RPTOR: variants seen among roughly 807,000 people sequenced by gnomAD.
RPTOR encodes the protein regulatory-associated protein of mTOR.
In RPTOR, 21 loss-of-function variants were observed where a neutral mutation model predicts 169.9. The ratio of observed to expected loss-of-function variants is 0.12; its 90% CI spans 0.09 to 0.18. The LOEUF (loss-of-function observed/expected upper bound fraction) is 0.18. Among genes scored for constraint, RPTOR ranks in the 10% least tolerant of loss-of-function variants. The pLI is 1.00. For synonymous variants in RPTOR, 732 were observed against 753.2 expected (o/e 0.97, Z 0.46); for missense variants, 1,133 against 1,855.9 (o/e 0.61, Z 7.16).
intron 1 of RPTOR, among the ~76,000 whole-genome samples, chr17:80,553,305 C>T (rs2084367596): frequency 6.6e-6 from 1 of 152,198 alleles, no homozygotes; most frequent in South Asian, 2.1e-4. Context: ...ATGGACGCAG[C>T]ACGTCCCAAA....
intron 6 of RPTOR, among the ~76,000 whole-genome samples, chr17:80,779,557 G>A (rs960920000): frequency 6.6e-6 from 1 of 152,166 alleles, no homozygotes; most frequent in African/African-American, 2.4e-5. Context: ...ATTGAGATGT[G>A]CAATTCCGTG....
At chr17:80,574,063 T>C (rs1436813387) in intron 1 of RPTOR, among the ~76,000 whole-genome samples, 2 of 152,222 alleles carry the variant, frequency 1.3e-5, no homozygotes, top group Non-Finnish European at 2.9e-5. Flanking sequence ...CTGGTAGAAC[T>C]TGCCCATAAG....
chr17:80,734,833 G>A (rs9891160), intron 5 of RPTOR, among the ~76,000 whole-genome samples: 33,064 of 152,062 alleles, frequency 0.22, 3,631 homozygotes, highest in Middle Eastern at 0.22. Flanking sequence ...CATTGTACTG[G>A]ACATGTACAC....
chr17:80,670,442 G>A (rs1392323954), intron 3 of RPTOR, among the ~76,000 whole-genome samples: 2 of 152,166 alleles, frequency 1.3e-5, no homozygotes, highest in East Asian at 3.9e-4. Flanking sequence ...TTAACCATCC[G>A]GAGCGTTGCT....
chr17:80,661,908 G>C (rs540596404), intron 3 of RPTOR, among the ~76,000 whole-genome samples: 2 of 152,280 alleles, frequency 1.3e-5, no homozygotes, highest in Admixed American at 6.5e-5. Flanking sequence ...CGGTAATTCA[G>C]TCAAAACAAC....
rs1204199699 is a variant in RPTOR, at chr17:80,634,427, G to T, written c.265+8634G>T. Among the ~76,000 whole-genome samples the T allele has an allele frequency of 3.6e-5, 5 of 140,504 alleles. No individual in the cohort carries two copies. The East Asian group carries it at 1.1e-3, about 30-fold the overall frequency. The allele number at this position is 140,504 out of a possible 152,430, so 92.2% of individuals were successfully genotyped here. On this transcript the variant is annotated intron_variant, in intron 2 of 33. Coordinates refer to ENST00000306801, the MANE Select transcript of RPTOR (RefSeq NM_020761.3). ...CCGTGTGTGTGTGCATACCGTGTGTGTGTGCATACTGTGTGCATACTTTGT... is the reference window on the plus strand; with the variant it reads ...CCGTGTGTGTGTGCATACCGTGTGTTTGTGCATACTGTGTGCATACTTTGT...
At chr17:80,765,512 C>G (rs2066777223) in intron 6 of RPTOR, among the ~76,000 whole-genome samples, 1 of 152,206 alleles carries the variant, frequency 6.6e-6, no homozygotes, top group Admixed American at 6.5e-5. Context: ...CACTAATGCA[C>G]TCATCTAACA....
rs943304898 is a variant in RPTOR at position 80,570,584 on chromosome 17, C to T, written c.162+24793C>T. Among the ~76,000 whole-genome samples, 11 of 152,240 alleles carry T rather than the reference C, an allele frequency of 7.2e-5. No individual in the cohort carries two copies. The South Asian group carries it at 8.3e-4, about 11-fold the overall frequency. ...TAAGCGATTCTCCTGCCTCAGCCTC[C>T]GGAACATCTGGGACTACGGGTATCC... is the stretch of plus-strand genomic sequence containing the variant. On this transcript the variant is annotated intron_variant, in intron 1 of 33. Coordinates refer to ENST00000306801, the MANE Select transcript of RPTOR (RefSeq NM_020761.3).
intron 19 of RPTOR, among the ~76,000 whole-genome samples, chr17:80,893,089 G>C (rs1011842029): frequency 6.6e-5 from 10 of 152,242 alleles, no homozygotes; most frequent in African/African-American, 2.2e-4. Context: ...CGTTACCAAT[G>C]CGGCAGGGAG....
intron 10 of RPTOR, among the ~76,000 whole-genome samples, chr17:80,839,784 TCTG>T (rs1293389623): frequency 6.6e-6 from 1 of 152,244 alleles, no homozygotes. Flanking sequence ...ATCAGAATAA[TCTG>T]CTCTTATATA....
chr17:80,588,590 C>T (rs922943602), intron 1 of RPTOR, among the ~76,000 whole-genome samples: 7 of 152,158 alleles, frequency 4.6e-5, no homozygotes, highest in African/African-American at 1.7e-4. Context: ...GATATATATA[C>T]CCAGAGGCAG....
rs1598198962 is a variant in RPTOR, at chr17:80,659,719, CTGG to C, written c.348+15911_348+15913del. On this transcript the variant is annotated intron_variant, in intron 3 of 33. Coordinates refer to ENST00000306801, the MANE Select transcript of RPTOR (RefSeq NM_020761.3). This position sits in a 1 kb window ranked among gnomAD's most constrained non-coding sequence, Gnocchi z 4.3. ...ATGTGGTTTCACCATGTTGGCCAGG[CTGG>C]TCTCAACCTCTTGACCTCGTGATCC... Among the ~76,000 whole-genome samples, 1 of 152,164 alleles carries C rather than the reference CTGG, an allele frequency of 6.6e-6. No homozygotes were observed. The highest frequency in any genetic ancestry group is 2.4e-5 in the African/African-American group (1 of 41,440).
At chr17:80,743,179 T>C (rs1244142553) in intron 5 of RPTOR, 6 of 962,070 alleles carry the variant, frequency 6.2e-6, no homozygotes, top group Non-Finnish European at 7.4e-6. Context: ...CCTTCCTGTC[T>C]TCCCGTCTCT....
rs573889835 is a variant in RPTOR at position 80,845,634 on chromosome 17, C to T, written c.1213-839C>T. Among the ~76,000 whole-genome samples, 126 of 152,208 alleles carry T rather than the reference C, an allele frequency of 8.3e-4. No individual in the cohort carries two copies. Among genetic ancestry groups the T allele is most frequent in the African/African-American group, 2.7e-3 (114 of 41,522 alleles). ...AGCAGCCTTTCCCCACCCTCCGTGCCCCCAGCTGGGTCTTTCTCACCAGCG... is the reference window on the plus strand; with the variant it reads ...AGCAGCCTTTCCCCACCCTCCGTGCTCCCAGCTGGGTCTTTCTCACCAGCG... On this transcript the variant is annotated intron_variant, in intron 10 of 33. Transcript: ENST00000306801. The surrounding 1 kb of genome is among the most constrained non-coding windows in gnomAD (Gnocchi z 5.4).
intron 14 of RPTOR, among the ~76,000 whole-genome samples, chr17:80,881,448 G>T (rs1198847443): frequency 6.6e-6 from 1 of 152,228 alleles, no homozygotes; most frequent in Non-Finnish European, 1.5e-5. Context: ...GGGCGCGAGG[G>T]TGAGCTAAGC....
chr17:80,893,475 A>G (rs4315400), intron 19 of RPTOR, among the ~76,000 whole-genome samples: 19 of 48,972 alleles, frequency 3.9e-4, no homozygotes, highest in South Asian at 1.2e-3. Flanking sequence ...TTGTGTCTGT[A>G]CGCGCCAGGG....
chr17:80,921,406 C>T (rs1011273065), intron 21 of RPTOR, among the ~76,000 whole-genome samples: 4 of 152,168 alleles, frequency 2.6e-5, no homozygotes, highest in African/African-American at 4.8e-5. Flanking sequence ...CAGAACCCAG[C>T]GGGACCCGCA....
intron 3 of RPTOR, among the ~76,000 whole-genome samples, chr17:80,683,304 G>A (rs543344494): frequency 1.4e-4 from 22 of 152,232 alleles, no homozygotes; most frequent in African/African-American, 4.6e-4. Flanking sequence ...GTCTTCTCCC[G>A]ACAAGAGCAG....
Position 80,680,502 on chromosome 17 carries a change from A to G in RPTOR, c.349-27339A>G, listed in dbSNP as rs113763155. 2.4e-3 allele frequency among the ~76,000 whole-genome samples: 360 copies of G among 152,238 alleles called. 2 individuals are homozygous for G. Among genetic ancestry groups the G allele is most frequent in the African/African-American group, 8.3e-3 (344 of 41,550 alleles). On this transcript the variant is annotated intron_variant, in intron 3 of 33. Transcript: ENST00000306801. ...TACAAAATTAGCTGGGCGCAGTGGC[A>G]GGTGCCTGTAATTCCAGCTACTCAG...
Sources: allele counts gnomAD v4.1 joint callset (sites outside exome capture counted in the v4.1 genomes callset), GRCh38; gene constraint gnomAD v4.1.1; non-coding constraint Gnocchi (gnomAD v3.1); transcripts MANE v1.5; gene names NCBI Gene and HGNC (gene_info 2026-07-23, HGNC 2026-07-21).